SYNE1: variants seen among roughly 807,000 people sequenced by gnomAD.
SYNE1 encodes the protein nesprin-1.
In SYNE1, 616 loss-of-function variants were observed where a neutral mutation model predicts 1,111.0. The observed-to-expected ratio is 0.55, with a 90% CI of 0.52 to 0.59. The LOEUF is 0.59. Among genes scored for constraint, SYNE1 ranks in the 20% least tolerant of loss-of-function variants. The pLI is 0.00. For synonymous variants in SYNE1, 3,855 were observed against 3,825.8 expected (o/e 1.01, Z -0.28); for missense variants, 10,006 against 10,417.0 (o/e 0.96, Z 1.72).
chr6:152,365,322 T>C (rs752539974), intron 62 of SYNE1, among the ~76,000 whole-genome samples: 1 of 152,224 alleles, frequency 6.6e-6, no homozygotes, highest in Non-Finnish European at 1.5e-5. Context: ...TACAGTAGAA[T>C]TCATGATTTC....
At chr6:152,374,798 ATAAAAAG>A (rs2097252334) in intron 58 of SYNE1, among the ~76,000 whole-genome samples, 1 of 151,976 alleles carries the variant, frequency 6.6e-6, no homozygotes, top group Admixed American at 6.6e-5. Context: ...AAATAAATAA[ATAAAAAG>A]AAAAGAAAAA....
chr6:152,494,320 C>A (rs980907232), intron 11 of SYNE1, among the ~76,000 whole-genome samples: 2 of 152,164 alleles, frequency 1.3e-5, no homozygotes, highest in African/African-American at 4.8e-5. Context: ...CTGGCCTGGA[C>A]TTCAATCTGG....
chr6:152,155,883 C>T lies in SYNE1; in HGVS notation c.23978+27G>A, dbSNP rs750623721. The T allele has an allele frequency of 6.2e-5, 100 of 1,612,998 alleles. 2 individuals carry two copies. The South Asian group carries it at 9.4e-4, about 15-fold the overall frequency. ...ATTTTCTTTTTGGTCTTTCCTCTTCCCTATCTGTTTCAGCATCCCAGCTCA... is the reference window on the plus strand; with the variant it reads ...ATTTTCTTTTTGGTCTTTCCTCTTCTCTATCTGTTTCAGCATCCCAGCTCA... On this transcript the variant is annotated intron_variant, in intron 132 of 145. Coordinates refer to ENST00000367255, the MANE Select transcript of SYNE1 (RefSeq NM_182961.4).
intron 76 of SYNE1, among the ~76,000 whole-genome samples, chr6:152,335,127 T>G (rs1258436211): frequency 6.6e-6 from 1 of 152,130 alleles, no homozygotes; most frequent in East Asian, 1.9e-4. Flanking sequence ...CTCCAAGGGG[T>G]TGGTTCATGG....
rs1245408896 is a variant in SYNE1, at chr6:152,156,562, T to C, written c.23791-465A>G. On this transcript the variant is annotated intron_variant, in intron 131 of 145. Transcript: ENST00000367255. ...ATTTGCATACCTCCTACACACATCCTTCCATACACTTTAAATCATCTTGAG... is the reference window on the plus strand; with the variant it reads ...ATTTGCATACCTCCTACACACATCCCTCCATACACTTTAAATCATCTTGAG... 2.0e-5 allele frequency among the ~76,000 whole-genome samples: 3 copies of C among 152,210 alleles called. No homozygotes were observed. The East Asian group carries it at 5.8e-4, about 29-fold the overall frequency.
chr6:152,588,597 A>G (rs2099547854), intron 3 of SYNE1, among the ~76,000 whole-genome samples: 1 of 152,180 alleles, frequency 6.6e-6, no homozygotes, highest in Non-Finnish European at 1.5e-5. Flanking sequence ...CTGCCCCTAC[A>G]TTATGGATAG....
rs1562554701 is a variant in SYNE1 at position 152,256,734 on chromosome 6, C to T, written c.19004G>A (p.Gly6335Asp). The T allele has an allele frequency of 2.5e-6, 4 of 1,613,954 alleles. No homozygotes were observed. Among genetic ancestry groups the T allele is most frequent in the Non-Finnish European group, 2.5e-6 (3 of 1,179,910 alleles). ...LYSRPNRLLS[G>D]VPLYKGDVPT... The stretch of plus-strand genomic sequence containing the variant: ...CACGTCCCCTTTGTACAGTGGCACA[C>T]CAGACAAGAGTCGATTTGGCCTGCT... Residue 6335 changes from glycine to aspartate, a missense_variant, in exon 102 of 146, where the codon GGT becomes GAT. Physicochemically the swap from Gly to Asp is moderately conservative, Grantham distance 94. This residue lies in a region of SYNE1 where 2,182 missense variants were observed against 2,287.8 expected (regional missense o/e 0.95). Coordinates refer to ENST00000367255, the MANE Select transcript of SYNE1 (RefSeq NM_182961.4).
rs777432650 is a variant in SYNE1 at position 152,283,991 on chromosome 6, C to A, written c.18194G>T (p.Arg6065Leu). The change falls in exon 96 of 146, where the codon CGG (arginine) becomes CTG (leucine). Residue 6065 changes from arginine to leucine, a missense_variant. Transcript: ENST00000367255. Reference protein sequence around the residue: ...STIRMKASGKRQLLEEKLNDQ... With the variant: ...STIRMKASGKLQLLEEKLNDQ... ...GTTATTGGTTACCTCCAAAAGCTGC[C>A]GTTTCCCCGAGGCTTTCATCCTGAT... 6.2e-7 allele frequency: 1 copy of A among 1,614,060 alleles called. No homozygotes were observed. Among genetic ancestry groups the A allele is most frequent in the Admixed American group, 1.7e-5 (1 of 60,006 alleles).
intron 3 of SYNE1, among the ~76,000 whole-genome samples, chr6:152,612,630 T>C (rs1208612807): frequency 6.6e-6 from 1 of 152,030 alleles, no homozygotes; most frequent in Non-Finnish European, 1.5e-5. Flanking sequence ...AAAGAGTGAA[T>C]CCCCCCTAAC....
At chr6:152,511,512 C>A (rs531195514) in intron 6 of SYNE1, 5 of 1,507,682 alleles carry the variant, frequency 3.3e-6, no homozygotes, top group Non-Finnish European at 3.7e-6. Context: ...TAGCAGGTAA[C>A]TTATGTTCCC....
At chr6:152,568,289 C>CTTTTTTTTTTTTTTTTTTT (rs10601350) in intron 3 of SYNE1, among the ~76,000 whole-genome samples, 1 of 80,310 alleles carries the variant, frequency 1.2e-5, no homozygotes, top group Non-Finnish European at 2.2e-5. Context: ...TTATTTTATT[C>CTTTTTTTTTTTTTTTTTTT]TTTTTTTTTT....
At chr6:152,442,329 A>C in intron 30 of SYNE1, 84 bp from the exon 31 acceptor site, 1 of 1,547,890 alleles carries the variant, frequency 6.5e-7, no homozygotes, top group East Asian at 2.2e-5. Context: ...GCTTAACAGA[A>C]GTACAGAAAG....
At chr6:152,466,176 A>G in intron 16 of SYNE1, 98 bp from the exon 17 acceptor site, 1 of 724,156 alleles carries the variant, frequency 1.4e-6, no homozygotes, top group South Asian at 1.5e-5. Context: ...CAGTTTACCC[A>G]AATTTGTTAA....
At chr6:152,391,666 C>T in intron 51 of SYNE1, 98 bp from the exon 52 acceptor site, 1 of 1,371,944 alleles carries the variant, frequency 7.3e-7, no homozygotes, top group Non-Finnish European at 9.7e-7. Context: ...GAGCAGTAAC[C>T]AGACACAGGC....
rs139879980 is a variant in SYNE1 at position 152,231,732 on chromosome 6, G to A, written c.20863-165C>T. Among the ~76,000 whole-genome samples the A allele has an allele frequency of 1.8e-3, 279 of 151,772 alleles. 2 individuals carry two copies. The highest frequency in any genetic ancestry group is 2.9e-3 in the Non-Finnish European group (196 of 67,964). On this transcript the variant is annotated intron_variant, in intron 113 of 145. Transcript: ENST00000367255. ...ACACAACCCATTATTTTTAGAAGCC[G>A]AATATATATTTGTATACGTTTATAT...
intron 33 of SYNE1, chr6:152,435,695 C>A (rs762099852): frequency 5.4e-5 from 31 of 572,794 alleles, no homozygotes; most frequent in Non-Finnish European, 7.7e-5. Flanking sequence ...ATAGATATGG[C>A]TTTCTCATGA....
chr6:152,382,302 A>G (rs758346531), intron 55 of SYNE1, among the ~76,000 whole-genome samples: 1 of 152,190 alleles, frequency 6.6e-6, no homozygotes, highest in African/African-American at 2.4e-5. Context: ...AGGCACAAAA[A>G]TGTTCAAGAA....
At chr6:152,250,690 A>C (rs2088919033) in intron 104 of SYNE1, among the ~76,000 whole-genome samples, 1 of 152,226 alleles carries the variant, frequency 6.6e-6, no homozygotes, top group Admixed American at 6.5e-5. Flanking sequence ...ATAGTTTTAC[A>C]TATGAGTTAC....
intron 98 of SYNE1, among the ~76,000 whole-genome samples, chr6:152,269,805 TAATGTCTTTGAG>T (rs1276718799): frequency 2.0e-5 from 3 of 152,220 alleles, no homozygotes; most frequent in African/African-American, 7.2e-5. Flanking sequence ...AAAGACATTT[TAATGTCTTTGAG>T]AAGCAAAAAG....
Sources: gnomAD v4.1 joint callset for allele counts (sites outside exome capture counted in the v4.1 genomes callset) on GRCh38, gnomAD v4.1.1 for gene constraint, gnomAD v4.1.1 regional missense constraint, MANE v1.5 for transcripts, NCBI Gene and HGNC (gene_info 2026-07-23, HGNC 2026-07-21) for gene names.